The following CCDC33 variants were observed in gnomAD, a reference collection of about 807,000 sequenced individuals.
CCDC33 encodes coiled-coil domain-containing protein 33.
In CCDC33, 94 loss-of-function variants were observed where a neutral mutation model predicts 91.9. The ratio of observed to expected loss-of-function variants is 1.02; its 90% CI spans 0.87 to 1.21. CCDC33 has a LOEUF of 1.21. Among genes scored for constraint, CCDC33 ranks in the 50% most tolerant of loss-of-function variants. CCDC33 has a pLI of 0.00. For missense variants in CCDC33, 940 were observed against 935.5 expected (o/e 1.00, Z -0.06); for synonymous variants, 396 against 374.5 (o/e 1.06, Z -0.66).
chr15:74,324,250 A>C (rs2060264440), intron 11 of CCDC33, among the ~76,000 whole-genome samples: 1 of 152,020 alleles, frequency 6.6e-6, no homozygotes, highest in African/African-American at 2.4e-5. Context: ...TGCTTTGCAC[A>C]CGGCTCTTTT....
intron 2 of CCDC33, among the ~76,000 whole-genome samples, chr15:74,223,651 G>C (rs1341431533): frequency 6.8e-6 from 1 of 147,026 alleles, no homozygotes; most frequent in African/African-American, 2.5e-5. Context: ...CCCACCCTCT[G>C]GGCCTCAGGC....
intron 13 of CCDC33, 34 bp from the exon 14 acceptor site, chr15:74,330,947 A>ATTCTCTCCCC (rs1345290905): frequency 6.4e-7 from 1 of 1,560,498 alleles, no homozygotes; most frequent in African/African-American, 1.4e-5. Flanking sequence ...CCAGGCACCC[A>ATTCTCTCCCC]TTCTCTCCCC....
At chr15:74,335,446 C>G in intron 18 of CCDC33, 1 of 521,450 alleles carries the variant, frequency 1.9e-6, no homozygotes, top group South Asian at 2.5e-5. Context: ...GTGGCCCTAC[C>G]CCCCTGAATC....
At chr15:74,299,914 G>C (rs542695578) in intron 11 of CCDC33, 1 of 152,352 alleles carries the variant, frequency 6.6e-6, no homozygotes, top group African/African-American at 2.4e-5. Flanking sequence ...TACCAGGCTG[G>C]CTATTTCTAC....
chr15:74,333,525 A>G (rs1596146600), intron 16 of CCDC33, among the ~76,000 whole-genome samples: 1 of 152,224 alleles, frequency 6.6e-6, no homozygotes, highest in East Asian at 1.9e-4. Flanking sequence ...ACTCATGGAC[A>G]TCCAGGTAAA....
At chr15:74,246,898 G>A (rs1367451218) in intron 2 of CCDC33, among the ~76,000 whole-genome samples, 1 of 152,196 alleles carries the variant, frequency 6.6e-6, no homozygotes, top group Non-Finnish European at 1.5e-5. Flanking sequence ...TGTAATCCCA[G>A]CACTTTGCGG....
chr15:74,215,333 TCA>T (rs78868756), upstream of CCDC33, among the ~76,000 whole-genome samples: 7,929 of 152,214 alleles, frequency 0.052, 254 homozygotes, highest in East Asian at 0.16. Context: ...GTATTCAAAT[TCA>T]CAGAGACGGA....
intron 11 of CCDC33, among the ~76,000 whole-genome samples, chr15:74,296,588 T>C (rs575728027): frequency 6.6e-6 from 1 of 152,244 alleles, no homozygotes; most frequent in East Asian, 1.9e-4. Flanking sequence ...ATTGTGCCAT[T>C]GCACTCCAGC....
chr15:74,246,465 C>T (rs2075532260), intron 2 of CCDC33, among the ~76,000 whole-genome samples: 1 of 152,164 alleles, frequency 6.6e-6, no homozygotes, highest in Admixed American at 6.5e-5. Flanking sequence ...ACTCATACAA[C>T]TCAATAGCAA....
In CCDC33 at chr15:74,236,548, G is replaced by T; in HGVS notation, c.-172G>T. The T allele has an allele frequency of 4.4e-6, 2 of 450,862 alleles. No homozygotes were observed. Among genetic ancestry groups the T allele is most frequent in the Non-Finnish European group, 8.0e-6 (2 of 249,274 alleles). 27.9% of individuals were successfully genotyped at this position (450,862 alleles called of 1,614,324 possible). On this transcript the variant is annotated 5_prime_UTR_variant, in exon 1 of 19. Transcript: ENST00000398814. ...CCCCCCACATCCAGGCCCCAGGGCT[G>T]GTGTGTGGCACCCCTGAGACCACAT...
chr15:74,250,399 C>G (rs1454109152), intron 2 of CCDC33, among the ~76,000 whole-genome samples: 1 of 152,180 alleles, frequency 6.6e-6, no homozygotes, highest in Non-Finnish European at 1.5e-5. Flanking sequence ...TCCAGCCACA[C>G]TGGACATCTC....
chr15:74,329,778 G>A (rs918306733), intron 11 of CCDC33, among the ~76,000 whole-genome samples: 1 of 152,238 alleles, frequency 6.6e-6, no homozygotes, highest in African/African-American at 2.4e-5. Context: ...TCTCAGTGAC[G>A]TGAGGAATGA....
At chr15:74,215,286 A>G (rs562881970), upstream of CCDC33, among the ~76,000 whole-genome samples, 8 of 152,324 alleles carry the variant, frequency 5.3e-5, no homozygotes, top group African/African-American at 1.9e-4. Context: ...TTGTGAAAAG[A>G]CAAATACTGT....
At chr15:74,285,673 A>G (rs924075910) in intron 10 of CCDC33, among the ~76,000 whole-genome samples, 5 of 151,770 alleles carry the variant, frequency 3.3e-5, no homozygotes, top group African/African-American at 9.7e-5. Flanking sequence ...GTGAATGGCA[A>G]GAGGTGGTGG....
intron 1 of CCDC33, chr15:74,209,260 G>T: frequency 8.4e-7 from 1 of 1,184,494 alleles, no homozygotes; most frequent in Non-Finnish European, 1.2e-6. Flanking sequence ...TGATCTCCTT[G>T]GCCCTCAGAG....
intron 2 of CCDC33, among the ~76,000 whole-genome samples, chr15:74,210,306 T>C (rs1450035877): frequency 6.6e-6 from 1 of 152,218 alleles, no homozygotes; most frequent in Non-Finnish European, 1.5e-5. Flanking sequence ...CATCCATCAA[T>C]GCTGATAAGT....
chr15:74,291,265 A>G (rs797017675), intron 10 of CCDC33, among the ~76,000 whole-genome samples: 39 of 152,354 alleles, frequency 2.6e-4, no homozygotes, highest in African/African-American at 9.1e-4. Flanking sequence ...AGCTGAAGAG[A>G]TAAGAACCTA....
intron 10 of CCDC33, among the ~76,000 whole-genome samples, chr15:74,287,428 G>A (rs1248161620): frequency 6.6e-6 from 1 of 152,170 alleles, no homozygotes; most frequent in Admixed American, 6.5e-5. Context: ...AGAGGAGACA[G>A]ATCCACCCCT....
intron 2 of CCDC33, among the ~76,000 whole-genome samples, chr15:74,224,855 AC>A (rs1348017714): frequency 6.6e-6 from 1 of 152,124 alleles, no homozygotes; most frequent in Non-Finnish European, 1.5e-5. Flanking sequence ...TGGTTTCTGC[AC>A]CTAGAAAATA....
Sources: gnomAD v4.1 joint callset for allele counts (sites outside exome capture counted in the v4.1 genomes callset) on GRCh38, gnomAD v4.1.1 for gene constraint, MANE v1.5 for transcripts, NCBI Gene and HGNC (gene_info 2026-07-23, HGNC 2026-07-21) for gene names.